Variants in SGSM1 observed in about 807,000 individuals in gnomAD.
SGSM1 encodes small G protein signaling modulator 1, also known as RUN and TBC1 domain containing 2.
In SGSM1, 73 loss-of-function variants were observed where a neutral mutation model predicts 133.8. The ratio of observed to expected loss-of-function variants is 0.55; its 90% CI spans 0.45 to 0.66. The LOEUF (loss-of-function observed/expected upper bound fraction) is 0.66, where lower values mean the gene tolerates loss of function less well. Ranked by LOEUF, SGSM1 falls within the 30% of genes least tolerant of loss-of-function variation. The pLI is 0.00. For synonymous variants in SGSM1, 563 were observed against 573.0 expected, an observed-to-expected ratio of 0.98 and a Z score of 0.25; for missense variants, 1,213 against 1,448.1, an observed-to-expected ratio of 0.84 and a Z score of 2.64.
chr22:24,914,836 T>C (rs1933766089), intron 22 of SGSM1, among the ~76,000 whole-genome samples: 1 of 152,150 alleles, frequency 6.6e-6, no homozygotes, highest in Non-Finnish European at 1.5e-5. Context: ...CACATTTGAT[T>C]TGGATCCATT....
At chr22:24,818,020 T>A (rs182969640) in intron 2 of SGSM1, among the ~76,000 whole-genome samples, 8 of 151,812 alleles carry the variant, frequency 5.3e-5, no homozygotes, top group African/African-American at 9.7e-5. Flanking sequence ...TCACCTGAGG[T>A]CAGGAGTTCG....
At chr22:24,837,123 T>C (rs1165435636) in intron 2 of SGSM1, among the ~76,000 whole-genome samples, 1 of 152,142 alleles carries the variant, frequency 6.6e-6, no homozygotes, top group African/African-American at 2.4e-5. Context: ...GGGGGACCAC[T>C]ACCACCAATG....
chr22:24,859,584 A>G (rs766186702), intron 8 of SGSM1, 132 bp from the exon 9 acceptor site: 19 of 1,287,960 alleles, frequency 1.5e-5, no homozygotes, highest in Non-Finnish European at 2.1e-5. Flanking sequence ...AGTCTTCCAC[A>G]TGGCCAGGGC....
intron 2 of SGSM1, among the ~76,000 whole-genome samples, chr22:24,841,047 T>C (rs1352589657): frequency 6.6e-6 from 1 of 152,068 alleles, no homozygotes; most frequent in East Asian, 1.9e-4. Context: ...AGACGGGGTT[T>C]CACCGTGTTA....
At chr22:24,887,224 C>T (rs1932665340) in intron 16 of SGSM1, among the ~76,000 whole-genome samples, 2 of 151,828 alleles carry the variant, frequency 1.3e-5, no homozygotes, top group African/African-American at 4.8e-5. Context: ...AGGACCCCCA[C>T]GTTGTCCTTT....
At chr22:24,823,226 G>A (rs1467075515) in intron 2 of SGSM1, among the ~76,000 whole-genome samples, 1 of 152,226 alleles carries the variant, frequency 6.6e-6, no homozygotes, top group African/African-American at 2.4e-5. Flanking sequence ...CAGGCACTCA[G>A]TAAACAACAT....
At chr22:24,810,479 C>G (rs542969217) in intron 2 of SGSM1, among the ~76,000 whole-genome samples, 256 of 152,192 alleles carry the variant, frequency 1.7e-3, no homozygotes, top group African/African-American at 5.8e-3. Flanking sequence ...CCTGCCAACC[C>G]TTAATTTTGT....
chr22:24,806,447 A>G lies in SGSM1; in HGVS notation c.26A>G (p.Glu9Gly). 1 of 1,523,630 alleles carries G rather than the reference A, an allele frequency of 6.6e-7. No individual in the cohort carries two copies. Among genetic ancestry groups the G allele is most frequent in the South Asian group, 1.2e-5 (1 of 81,718 alleles). The allele number at this position is 1,523,630 out of a possible 1,614,324, so 94.4% of individuals were successfully genotyped here. Reference sequence around the variant, plus strand: ...CTCGTTTCTTGTCCCACAGAGGCGGAGACCCGACAGAGGCTGCTACGCACC... The same window carrying G: ...CTCGTTTCTTGTCCCACAGAGGCGGGGACCCGACAGAGGCTGCTACGCACC... MASAPAEA[E>G]TRQRLLRTVK... is the part of the protein sequence containing the mutation. The change falls in exon 2 of 25, where the codon GAG becomes GGG. Residue 9 changes from glutamate to glycine, a missense_variant. Coordinates refer to ENST00000400358, the MANE Select transcript of SGSM1 (RefSeq NM_001098497.3).
chr22:24,876,232 C>A (rs1569158828), intron 12 of SGSM1, among the ~76,000 whole-genome samples: 2 of 152,178 alleles, frequency 1.3e-5, no homozygotes, highest in Non-Finnish European at 2.9e-5. Flanking sequence ...CAGCAGGCTC[C>A]CCTTCCCTCC....
At chr22:24,831,622 T>C (rs544353372) in intron 2 of SGSM1, among the ~76,000 whole-genome samples, 1 of 152,286 alleles carries the variant, frequency 6.6e-6, no homozygotes, top group South Asian at 2.1e-4. Flanking sequence ...CTGCCCTTTC[T>C]TCCCATCCTT....
intron 22 of SGSM1, 69 bp downstream of exon 22, chr22:24,912,821 G>T: frequency 8.9e-7 from 1 of 1,128,130 alleles, no homozygotes; most frequent in Non-Finnish European, 1.3e-6. Flanking sequence ...AGTGGCTCCA[G>T]ACTGAGCTAT....
intron 12 of SGSM1, among the ~76,000 whole-genome samples, chr22:24,875,181 C>T (rs972822442): frequency 1.3e-5 from 2 of 152,176 alleles, no homozygotes; most frequent in Non-Finnish European, 2.9e-5. Context: ...GTGCAACTCT[C>T]TTCACTTCCT....
intron 15 of SGSM1, among the ~76,000 whole-genome samples, chr22:24,884,896 A>T (rs975196321): frequency 1.3e-5 from 2 of 152,200 alleles, no homozygotes; most frequent in Non-Finnish European, 2.9e-5. Context: ...CACAAAAGAT[A>T]TTAGTGTATG....
At chr22:24,888,251 C>CT (rs1394228846) in intron 16 of SGSM1, among the ~76,000 whole-genome samples, 6 of 152,116 alleles carry the variant, frequency 3.9e-5, no homozygotes, top group African/African-American at 1.2e-4. Flanking sequence ...GGTGTCAAGT[C>CT]TAAGAAAATT....
At chr22:24,849,151 T>C (rs139668) in intron 4 of SGSM1, among the ~76,000 whole-genome samples, 66,681 of 151,820 alleles carry the variant, frequency 0.44, 16,852 homozygotes, top group African/African-American at 0.7. Context: ...TTTACTAAGC[T>C]TCCTCTATAC....
intron 9 of SGSM1, among the ~76,000 whole-genome samples, chr22:24,866,368 C>G (rs1931456486): frequency 6.6e-6 from 1 of 152,162 alleles, no homozygotes; most frequent in Admixed American, 6.6e-5. Context: ...TGCTGGGAAC[C>G]TGTGAAGCTA....
chr22:24,860,922 A>ATAT (rs34462953), intron 9 of SGSM1, among the ~76,000 whole-genome samples: 22 of 37,584 alleles, frequency 5.9e-4, no homozygotes, highest in African/African-American at 1.8e-3. Context: ...AAAAAAAAAA[A>ATAT]ATATATATAT....
At chr22:24,912,966 T>C (rs531846585) in intron 22 of SGSM1, among the ~76,000 whole-genome samples, 33 of 152,258 alleles carry the variant, frequency 2.2e-4, no homozygotes, top group African/African-American at 4.8e-4. Flanking sequence ...CAATAAATTA[T>C]TAGAATTATC....
chr22:24,855,534 G>T lies in SGSM1; in HGVS notation c.670-15G>T. ...CCCAGGCCTCATCCCTCTGTCTCCCGTCACTCTCTACCAGATCCAGAAGAG... is the reference window on the plus strand; with the variant it reads ...CCCAGGCCTCATCCCTCTGTCTCCCTTCACTCTCTACCAGATCCAGAAGAG... On this transcript the variant is annotated splice_polypyrimidine_tract_variant and intron_variant, in intron 7 of 24. Coordinates refer to ENST00000400358, the MANE Select transcript of SGSM1 (RefSeq NM_001098497.3). 6.2e-7 allele frequency: 1 copy of T among 1,613,664 alleles called. No individual in the cohort carries two copies. The highest frequency in any genetic ancestry group is 8.5e-7 in the Non-Finnish European group (1 of 1,179,786).
Sources: gnomAD v4.1 joint callset for allele counts (sites outside exome capture counted in the v4.1 genomes callset) on GRCh38, gnomAD v4.1.1 for gene constraint, MANE v1.5 for transcripts, NCBI Gene and HGNC (gene_info 2026-07-23, HGNC 2026-07-21) for gene names.